The following RUFY1 variants were observed in gnomAD, a reference collection of about 807,000 sequenced individuals.
The protein encoded by RUFY1 is RUN and FYVE domain containing 1.
A neutral mutation model predicts 94.6 loss-of-function variants in RUFY1; 54 were observed. That is an observed-to-expected ratio of 0.57 (90% CI 0.46 to 0.72). The LOEUF is 0.72. RUFY1 is among the 30% of genes least tolerant of loss of function. The pLI is 0.00. For missense variants in RUFY1, 883 were observed against 883.9 expected, an observed-to-expected ratio of 1.00 and a Z score of 0.01; for synonymous variants, 396 against 347.3, an observed-to-expected ratio of 1.14 and a Z score of -1.56.
chr5:179,550,654 G>T lies in RUFY1; in HGVS notation c.85G>T (p.Ala29Ser), dbSNP rs1350518597. Reference protein sequence around the residue: ...ELEPGPGPGSALEPGEEFEIV... With the variant: ...ELEPGPGPGSSLEPGEEFEIV... ...GGAGCCGGGGCCGGGGCCCGGGTCA[G>T]CGCTTGAGCCGGGAGAAGAGTTTGA... The change falls in exon 1 of 18, where the codon GCG becomes TCG. Residue 29 changes from alanine to serine, a missense_variant. By Grantham distance (99) the Ala-to-Ser change is moderately conservative. Transcript: ENST00000319449. The T allele has an allele frequency of 6.8e-7, 1 of 1,461,284 alleles. No homozygotes were observed. Among genetic ancestry groups the T allele is most frequent in the Non-Finnish European group, 9.0e-7 (1 of 1,114,886 alleles). The allele number at this position is 1,461,284 out of a possible 1,614,324, so 90.5% of individuals were successfully genotyped here. A position where few individuals can be genotyped will look rare whatever the true frequency, so the allele number is the denominator to read the frequency against.
intron 5 of RUFY1, among the ~76,000 whole-genome samples, chr5:179,576,855 A>C (rs1451549578): frequency 6.6e-6 from 1 of 152,216 alleles, no homozygotes; most frequent in Non-Finnish European, 1.5e-5. Context: ...GAAATTTCAG[A>C]ATAGTCTCTG....
At position 179,593,795 on chromosome 5, in the gene RUFY1, A is replaced by C. The variant is rs1355394454; in HGVS notation, c.1413+150A>C. Reference sequence around the variant, plus strand: ...AGGACCTATTATGATTTTGATCCTCATGGCAGTCCCTGAGAAATGGGGGGA... The same window carrying C: ...AGGACCTATTATGATTTTGATCCTCCTGGCAGTCCCTGAGAAATGGGGGGA... On this transcript the variant is annotated intron_variant, in intron 11 of 17. Transcript: ENST00000319449. 5 of 1,283,594 alleles carry C rather than the reference A, an allele frequency of 3.9e-6. No individual in the cohort carries two copies. In the East Asian group the frequency reaches 1.0e-4, roughly 27 times the overall value. 79.5% of individuals were successfully genotyped at this position (1,283,594 alleles called of 1,614,324 possible).
At chr5:179,566,996 A>G (rs544375309) in intron 3 of RUFY1, among the ~76,000 whole-genome samples, 93 of 152,118 alleles carry the variant, frequency 6.1e-4, no homozygotes, top group African/African-American at 2.0e-3. Context: ...GGAGGTTGCA[A>G]TGAGCTGAGA....
chr5:179,602,217 T>G (rs1319881524), intron 15 of RUFY1: 2 of 533,814 alleles, frequency 3.7e-6, no homozygotes, highest in Non-Finnish European at 6.8e-6. Flanking sequence ...GGAAGCACGT[T>G]CATTCCTAGT....
chr5:179,559,736 T>G (rs2127508502), intron 1 of RUFY1: 1 of 1,108,340 alleles, frequency 9.0e-7, no homozygotes, highest in Non-Finnish European at 1.1e-6. Context: ...GCGGCGAGTC[T>G]TGCTAAAGCC....
At chr5:179,578,244 C>T (rs1411651232) in intron 6 of RUFY1, among the ~76,000 whole-genome samples, 7 of 152,226 alleles carry the variant, frequency 4.6e-5, no homozygotes, top group Non-Finnish European at 1.0e-4. Flanking sequence ...GATGGATTCT[C>T]GCTCTGTCGC....
chr5:179,577,231 G>T, intron 6 of RUFY1, 95 bp downstream of exon 6: 1 of 798,130 alleles, frequency 1.3e-6, no homozygotes. Flanking sequence ...GAGTCCAGTG[G>T]CACAGTCTTG....
chr5:179,585,885 A>T lies in RUFY1; in HGVS notation c.1026+20A>T. 6.3e-7 allele frequency: 1 copy of T among 1,582,536 alleles called. No individual in the cohort carries two copies. Among genetic ancestry groups the T allele is most frequent in the Non-Finnish European group, 8.7e-7 (1 of 1,151,410 alleles). On this transcript the variant is annotated intron_variant, in intron 8 of 17. Coordinates refer to ENST00000319449, the MANE Select transcript of RUFY1 (RefSeq NM_025158.5). ...GAAGAGGTTTGTAAGTTTTATTGAA[A>T]TTTTTAGACAAAACAGAATGACCCA... is the stretch of plus-strand genomic sequence containing the variant.
At position 179,594,981 on chromosome 5, in the gene RUFY1, G is replaced by A. The variant is rs28685239; in HGVS notation, c.1511+18G>A. On this transcript the variant is annotated intron_variant, in intron 12 of 17. Coordinates refer to ENST00000319449, the MANE Select transcript of RUFY1 (RefSeq NM_025158.5). The stretch of plus-strand genomic sequence containing the variant: ...GAAGAAAGGTAATCACTTCCCCCTG[G>A]CAGATATTCTCGGGAAGGCTCTGAG... The A allele has an allele frequency of 0.71, 1,084,730 of 1,538,474 alleles. 384,923 individuals are homozygous for A. The highest frequency in any genetic ancestry group is 0.82 in the East Asian group (36,496 of 44,260).
intron 1 of RUFY1, 32 bp downstream of exon 1, chr5:179,550,911 A>T: frequency 1.8e-6 from 2 of 1,095,260 alleles, no homozygotes; most frequent in Non-Finnish European, 2.2e-6. Context: ...CCCGCGGCGG[A>T]CTCGCGTGTC....
At chr5:179,572,514 G>T in intron 5 of RUFY1, 1 of 210,088 alleles carries the variant, frequency 4.8e-6, no homozygotes, top group East Asian at 1.5e-4. Context: ...GAAAACCAAT[G>T]AGGGCATTGC....
At chr5:179,577,171 T>TTC in intron 6 of RUFY1, 35 bp downstream of exon 6, 1 of 1,288,038 alleles carries the variant, frequency 7.8e-7, no homozygotes, top group Non-Finnish European at 1.1e-6. Flanking sequence ...TTTTTTTTTT[T>TTC]TTTTTTTTTT....
intron 1 of RUFY1, among the ~76,000 whole-genome samples, chr5:179,552,707 C>A (rs2127500864): frequency 6.6e-6 from 1 of 152,296 alleles, no homozygotes; most frequent in Admixed American, 6.5e-5. Context: ...AATAAAAGTT[C>A]TTCCCTGCTA....
chr5:179,570,522 G>A (rs1763148151), intron 5 of RUFY1, among the ~76,000 whole-genome samples: 1 of 152,206 alleles, frequency 6.6e-6, no homozygotes, highest in African/African-American at 2.4e-5. Flanking sequence ...AGGAGCTGGT[G>A]ACCAGAGCCA....
At chr5:179,563,385 A>G (rs1000964138) in intron 3 of RUFY1, among the ~76,000 whole-genome samples, 35 of 152,200 alleles carry the variant, frequency 2.3e-4, no homozygotes, top group African/African-American at 8.4e-4. Flanking sequence ...CTCCACAGCC[A>G]TCCTCTAGGA....
Position 179,609,641 on chromosome 5 carries a change from A to C in RUFY1, c.*122A>C. 9.8e-7 allele frequency: 1 copy of C among 1,019,526 alleles called. No homozygotes were observed. The allele number at this position is 1,019,526 out of a possible 1,614,324, so 63.2% of individuals were successfully genotyped here. On this transcript the variant is annotated 3_prime_UTR_variant, in exon 18 of 18. Coordinates refer to ENST00000319449, the MANE Select transcript of RUFY1 (RefSeq NM_025158.5). Reference sequence around the variant, plus strand: ...AAAGAATCAAATTTCTTGCCCGGTCACTGGCACTCCAGAAGACAGCGTGCC... The same window carrying C: ...AAAGAATCAAATTTCTTGCCCGGTCCCTGGCACTCCAGAAGACAGCGTGCC...
rs1581407159 is a variant in RUFY1 at position 179,552,669 on chromosome 5, A to C, written c.310+1790A>C. ...GCATGGCGTCTCCTGGAGGCCTCTT[A>C]GATATTTCGTGGCAGGAGTAAGCAA... On this transcript the variant is annotated intron_variant, in intron 1 of 17. Transcript: ENST00000319449. 2.0e-5 allele frequency among the ~76,000 whole-genome samples: 3 copies of C among 152,300 alleles called. No individual in the cohort carries two copies. The East Asian group carries it at 5.8e-4, about 29-fold the overall frequency.
At chr5:179,608,646 G>T (rs577718265) in intron 17 of RUFY1, 263 of 985,324 alleles carry the variant, frequency 2.7e-4, no homozygotes, top group Non-Finnish European at 3.0e-4. Context: ...AACACCCTTA[G>T]GCCGGGCACG....
intron 7 of RUFY1, among the ~76,000 whole-genome samples, chr5:179,585,322 T>A (rs547060289): frequency 6.6e-6 from 1 of 152,318 alleles, no homozygotes; most frequent in Admixed American, 6.5e-5. Flanking sequence ...ATGCCTGTAG[T>A]CCCAGCACTT....
Sources: allele counts gnomAD v4.1 joint callset (sites outside exome capture counted in the v4.1 genomes callset), GRCh38; gene constraint gnomAD v4.1.1; transcripts MANE v1.5; gene names NCBI Gene and HGNC (gene_info 2026-07-23, HGNC 2026-07-21).